The following TCF7L1 variants were observed in gnomAD, a reference collection of about 807,000 sequenced individuals.
TCF7L1 encodes the protein transcription factor 7 like 1, also known as transcription factor 7-like 1.
Under a neutral mutation model 63.7 loss-of-function variants are expected in TCF7L1, and 18 were observed. The ratio of observed to expected loss-of-function variants is 0.28; its 90% CI spans 0.20 to 0.42. The LOEUF (loss-of-function observed/expected upper bound fraction) is 0.42, where lower values mean the gene tolerates loss of function less well. Among genes scored for constraint, TCF7L1 ranks in the 10% least tolerant of loss-of-function variants. The pLI is 1.00. For synonymous variants in TCF7L1, 355 were observed against 340.9 expected (o/e 1.04, Z -0.46); for missense variants, 654 against 779.3 (o/e 0.84, Z 1.91).
chr2:85,293,811 A>G (rs1019005951), intron 4 of TCF7L1, among the ~76,000 whole-genome samples: 25 of 152,250 alleles, frequency 1.6e-4, no homozygotes, highest in Admixed American at 2.6e-4. Flanking sequence ...CATCTTCAGT[A>G]GGATCAAAAT....
intron 4 of TCF7L1, among the ~76,000 whole-genome samples, chr2:85,291,369 C>T (rs1020308289): frequency 6.6e-6 from 1 of 152,212 alleles, no homozygotes; most frequent in African/African-American, 2.4e-5. Context: ...ATTCATCACT[C>T]ACAAGTTCTA....
At chr2:85,151,489 T>A (rs1305756983) in intron 3 of TCF7L1, among the ~76,000 whole-genome samples, 1 of 152,244 alleles carries the variant, frequency 6.6e-6, no homozygotes, top group Non-Finnish European at 1.5e-5. Context: ...TGATTATCTC[T>A]CTGTGATGTC....
intron 4 of TCF7L1, among the ~76,000 whole-genome samples, chr2:85,293,909 G>A (rs952299350): frequency 4.6e-5 from 7 of 152,080 alleles, no homozygotes; most frequent in South Asian, 2.1e-4. Context: ...CTTATCATCC[G>A]GTTGGTGGGT....
chr2:85,272,514 C>T (rs948125156), intron 3 of TCF7L1, among the ~76,000 whole-genome samples: 44 of 152,062 alleles, frequency 2.9e-4, no homozygotes, highest in Middle Eastern at 6.8e-3. Context: ...TGTGGATGAC[C>T]GGGCGTGGTA....
At chr2:85,172,806 C>T (rs1678579198) in intron 3 of TCF7L1, among the ~76,000 whole-genome samples, 1 of 152,176 alleles carries the variant, frequency 6.6e-6, no homozygotes, top group South Asian at 2.1e-4. Context: ...GTCACCTCCT[C>T]AGTGAGGCCT....
Position 85,306,590 on chromosome 2 carries a change from A to C in TCF7L1, c.1257+31A>C. The C allele has an allele frequency of 6.3e-7, 1 of 1,583,600 alleles. No homozygotes were observed. Among genetic ancestry groups the C allele is most frequent in the Non-Finnish European group, 8.7e-7 (1 of 1,153,200 alleles). ...TGCACACTCTGGGCAGAGGACGCTCAGACCCCAGGAACAGCCTCTGCAAGA... is the reference window on the plus strand; with the variant it reads ...TGCACACTCTGGGCAGAGGACGCTCCGACCCCAGGAACAGCCTCTGCAAGA... On this transcript the variant is annotated intron_variant, in intron 10 of 11. Coordinates refer to ENST00000282111, the MANE Select transcript of TCF7L1 (RefSeq NM_031283.3). The surrounding 1 kb of genome is among the most constrained non-coding windows in gnomAD (Gnocchi z 4.3).
At chr2:85,283,361 C>A in intron 3 of TCF7L1, 134 bp from the exon 4 acceptor site, 6 of 816,898 alleles carry the variant, frequency 7.3e-6, no homozygotes, top group Non-Finnish European at 1.0e-5. Context: ...TGACCCAGTA[C>A]AGGGCATGTG....
chr2:85,171,665 A>G (rs1369920658), intron 3 of TCF7L1, among the ~76,000 whole-genome samples: 3 of 152,226 alleles, frequency 2.0e-5, no homozygotes, highest in Admixed American at 6.5e-5. Flanking sequence ...TAGCAATTCT[A>G]TGCAGTTTCA....
chr2:85,133,997 C>T lies in TCF7L1; in HGVS notation c.250-19C>T, dbSNP rs767408969. On this transcript the variant is annotated intron_variant, in intron 1 of 11. Coordinates refer to ENST00000282111, the MANE Select transcript of TCF7L1 (RefSeq NM_031283.3). The surrounding 1 kb of genome is among the most constrained non-coding windows in gnomAD (Gnocchi z 4.4). ...CCTGCGTCCGCTCACCCGCTCTTGC[C>T]TTTGTGTCTCCTCCGCAGGCGGAGA... is the stretch of plus-strand genomic sequence containing the variant. 6 of 1,608,862 alleles carry T rather than the reference C, an allele frequency of 3.7e-6. No individual in the cohort carries two copies. Among genetic ancestry groups the T allele is most frequent in the Non-Finnish European group, 5.1e-6 (6 of 1,177,998 alleles).
At chr2:85,214,708 C>T (rs1479765877) in intron 3 of TCF7L1, among the ~76,000 whole-genome samples, 2 of 152,132 alleles carry the variant, frequency 1.3e-5, no homozygotes, top group South Asian at 4.1e-4. Context: ...TTGAGCTGTA[C>T]ATTTAAGATG....
rs1014822591 is a variant in TCF7L1, at chr2:85,298,706, C to A, written c.526-3778C>A. ...ATCTGGATTCAGCTTCCTGGCCATGCACACCCATGCCCACGCTTGTGTGTT... is the reference window on the plus strand; with the variant it reads ...ATCTGGATTCAGCTTCCTGGCCATGAACACCCATGCCCACGCTTGTGTGTT... On this transcript the variant is annotated intron_variant, in intron 4 of 11. Transcript: ENST00000282111. 3.3e-5 allele frequency among the ~76,000 whole-genome samples: 5 copies of A among 152,130 alleles called. 1 individual carries two copies. Among genetic ancestry groups the A allele is most frequent in the African/African-American group, 1.2e-4 (5 of 41,438 alleles).
intron 3 of TCF7L1, among the ~76,000 whole-genome samples, chr2:85,237,252 T>G (rs1680212219): frequency 1.3e-5 from 2 of 152,182 alleles, no homozygotes; most frequent in East Asian, 3.8e-4. Flanking sequence ...TTCCAGCAAC[T>G]TGCCCACACA....
intron 3 of TCF7L1, chr2:85,186,678 A>G (rs1281666419): frequency 6.6e-6 from 1 of 152,338 alleles, no homozygotes; most frequent in East Asian, 1.9e-4. Context: ...TGTAACAGGA[A>G]TATCCCATTC....
At chr2:85,295,904 A>C (rs1046702422) in intron 4 of TCF7L1, among the ~76,000 whole-genome samples, 22 of 147,350 alleles carry the variant, frequency 1.5e-4, no homozygotes, top group Non-Finnish European at 3.1e-4. Context: ...CAGCCTCCTG[A>C]GTAGCTGGGA....
At chr2:85,300,510 G>A (rs1043725691) in intron 4 of TCF7L1, among the ~76,000 whole-genome samples, 1 of 152,208 alleles carries the variant, frequency 6.6e-6, no homozygotes, top group Non-Finnish European at 1.5e-5. Flanking sequence ...GCCCAGCTGT[G>A]TGCTGGCGCC....
intron 3 of TCF7L1, among the ~76,000 whole-genome samples, chr2:85,159,293 C>T (rs931962363): frequency 6.6e-6 from 1 of 152,148 alleles, no homozygotes; most frequent in African/African-American, 2.4e-5. Context: ...TGCCCAGGCG[C>T]CCGGGGCTCC....
At chr2:85,251,086 G>A (rs1680576735) in intron 3 of TCF7L1, among the ~76,000 whole-genome samples, 1 of 152,220 alleles carries the variant, frequency 6.6e-6, no homozygotes, top group South Asian at 2.1e-4. Context: ...CCTATATTTA[G>A]GAGTTAAACA....
At chr2:85,219,989 C>T (rs544313327) in intron 3 of TCF7L1, among the ~76,000 whole-genome samples, 14 of 152,194 alleles carry the variant, frequency 9.2e-5, no homozygotes, top group African/African-American at 2.9e-4. Flanking sequence ...AACATGTTAA[C>T]GATGATTGAT....
Position 85,307,720 on chromosome 2 carries a change from G to A in TCF7L1, c.1333+3G>A. ...GCAGCAAGTCCAGGAGGCAGAGGGT[G>A]CGTCTCGGGGCACTGGCCTCTTCTC... On this transcript the variant is annotated splice_donor_region_variant and intron_variant, in intron 11 of 11. Coordinates refer to ENST00000282111, the MANE Select transcript of TCF7L1 (RefSeq NM_031283.3). 1 of 1,613,156 alleles carries A rather than the reference G, an allele frequency of 6.2e-7. No individual in the cohort carries two copies. The highest frequency in any genetic ancestry group is 1.3e-5 in the African/African-American group (1 of 75,042).
Sources: allele counts gnomAD v4.1 joint callset (sites outside exome capture counted in the v4.1 genomes callset), GRCh38; gene constraint gnomAD v4.1.1; non-coding constraint Gnocchi (gnomAD v3.1); transcripts MANE v1.5; gene names NCBI Gene and HGNC (gene_info 2026-07-23, HGNC 2026-07-21).